ERVW-1: variants seen among roughly 807,000 people sequenced by gnomAD.
ERVW-1 encodes syncytin-1.
ERVW-1 carries 21 observed loss-of-function variants against 16.6 expected under a neutral mutation model. That is an observed-to-expected ratio of 1.26 (90% CI 0.90 to 1.82). ERVW-1 has a LOEUF of 1.82. ERVW-1 is among the 40% of genes most tolerant of loss of function. The pLI is 0.00. For missense variants in ERVW-1, 412 were observed against 300.2 expected (o/e 1.37, Z -2.75); for synonymous variants, 161 against 109.8 (o/e 1.47, Z -2.92).
intron 1 of ERVW-1, chr7:92,475,019 A>C (rs1233576974): frequency 2.6e-5 from 4 of 152,154 alleles, no homozygotes; most frequent in African/African-American, 9.7e-5. Flanking sequence ...ATAGGGAGGT[A>C]GACTCTGAAG....
chr7:92,475,288 T>C (rs1438024400), intron 1 of ERVW-1: 1 of 152,158 alleles, frequency 6.6e-6, no homozygotes, highest in African/African-American at 2.4e-5. Context: ...GTTTTTGTCT[T>C]GCGGGGAACG....
At position 92,470,310 on chromosome 7, in the gene ERVW-1, T is replaced by C. The variant is rs928597838; in HGVS notation, c.72A>G (p.Pro24=). 1.3e-6 allele frequency: 1 copy of C among 776,686 alleles called. No homozygotes were observed. Among genetic ancestry groups the C allele is most frequent in the African/African-American group, 1.7e-5 (1 of 59,062 alleles). 48.1% of individuals were successfully genotyped at this position (776,686 alleles called of 1,614,324 possible). A position where few individuals can be genotyped will look rare whatever the true frequency, so the allele number is the denominator to read the frequency against. Reference sequence around the variant, plus strand: ...GGGAGCTACTGGTCATACAGCGGCATGGAGGGGGTGCAGTGAGAGTGAAAG... The same window carrying C: ...GGGAGCTACTGGTCATACAGCGGCACGGAGGGGGTGCAGTGAGAGTGAAAG... ...LPSFTLTAPP[P]CRCMTSSSPY... is the part of the protein sequence containing the mutation. The change falls in exon 2 of 2, where the codon CCA becomes CCG. Residue 24 remains proline (P), a synonymous_variant. Coordinates refer to ENST00000603053, the MANE Select transcript of ERVW-1 (RefSeq NM_001130925.2).
At chr7:92,471,714 C>G (rs1309903552) in intron 1 of ERVW-1, 1 of 152,158 alleles carries the variant, frequency 6.6e-6, no homozygotes, top group Non-Finnish European at 1.5e-5. Flanking sequence ...ATGACCCCGG[C>G]AGTGTAAGAC....
In ERVW-1 at chr7:92,469,327, T is replaced by C. The variant is rs1790221594; in HGVS notation, c.1055A>G (p.Gln352Arg). ...CCGTTCCATGTCCCCATTTAGTTCT[T>C]GAGATAGTTTGTAGTAGAACTGAGT... ...TSTQFYYKLS[Q>R]ELNGDMERVA... is the part of the protein sequence containing the mutation. The change falls in exon 2 of 2, where the codon CAA becomes CGA. Residue 352 changes from glutamine to arginine, a missense_variant. By Grantham distance (43) the Gln-to-Arg change is conservative (BLOSUM62 1). Coordinates refer to ENST00000603053, the MANE Select transcript of ERVW-1 (RefSeq NM_001130925.2). 1 of 764,560 alleles carries C rather than the reference T, an allele frequency of 1.3e-6. No individual in the cohort carries two copies. Among genetic ancestry groups the C allele is most frequent in the Non-Finnish European group, 2.4e-6 (1 of 417,840 alleles). The allele number at this position is 764,560 out of a possible 1,614,324, so 47.4% of individuals were successfully genotyped here. A position where few individuals can be genotyped will look rare whatever the true frequency, so the allele number is the denominator to read the frequency against.
chr7:92,473,035 C>G (rs1483340036), intron 1 of ERVW-1: 9 of 152,150 alleles, frequency 5.9e-5, no homozygotes, highest in Admixed American at 5.9e-4. Context: ...TCCCTGAACC[C>G]TTGGGGTAAA....
Position 92,469,417 on chromosome 7 carries a change from G to A in ERVW-1, c.965C>T (p.Pro322Leu). The change falls in exon 2 of 2, where the codon CCT becomes CTT. Residue 322 changes from proline to leucine, a missense_variant. Transcript: ENST00000603053. Reference protein sequence around the residue: ...KPRNKRVPILPFVIGAGVLGA... With the variant: ...KPRNKRVPILLFVIGAGVLGA... Reference sequence around the variant, plus strand: ...TAGCACTCCTGCTCCTATAACAAAAGGAAGAATGGGTACTCTTTTGTTGCG... The same window carrying A: ...TAGCACTCCTGCTCCTATAACAAAAAGAAGAATGGGTACTCTTTTGTTGCG... The A allele has an allele frequency of 1.3e-6, 1 of 771,520 alleles. No individual in the cohort carries two copies. Among genetic ancestry groups the A allele is most frequent in the Non-Finnish European group, 2.4e-6 (1 of 416,148 alleles). 47.8% of individuals were successfully genotyped at this position (771,520 alleles called of 1,614,324 possible). A position where few individuals can be genotyped will look rare whatever the true frequency, so the allele number is the denominator to read the frequency against.
In ERVW-1 at chr7:92,468,784, T is replaced by A. The variant is rs776286661; in HGVS notation, c.1598A>T (p.Asn533Ile). The A allele has an allele frequency of 6.7e-6, 5 of 744,222 alleles. No individual in the cohort carries two copies. Among genetic ancestry groups the A allele is most frequent in the African/African-American group, 1.7e-5 (1 of 58,152 alleles). 46.1% of individuals were successfully genotyped at this position (744,222 alleles called of 1,614,324 possible). A position where few individuals can be genotyped will look rare whatever the true frequency, so the allele number is the denominator to read the frequency against. The change falls in exon 2 of 2, where the codon AAT (asparagine) becomes ATT (isoleucine). Residue 533 changes from asparagine (N) to isoleucine (I), a missense_variant. Asn to Ile is a moderately radical substitution (Grantham distance 149). Transcript: ENST00000603053. Reference sequence around the variant, plus strand: ...ACCGCTCTAACTGCTTCCTGCTGAATTGGGGCGTAGTAGAGGTTGTGCAGC... The same window carrying A: ...ACCGCTCTAACTGCTTCCTGCTGAAATGGGGCGTAGTAGAGGTTGTGCAGC... ...ISAAQPLLRP[N>I]SAGSS
In ERVW-1 at chr7:92,468,872, G is replaced by A. The variant is rs140207343; in HGVS notation, c.1510C>T (p.Arg504Trp). ...KTKIYRRPLD[R>W]PASPRSDVND... The stretch of plus-strand genomic sequence containing the variant: ...ACATCAGATCGTGGGCTAGCAGGCC[G>A]GTCCAGGGGTCTGCGGTAGATCTTA... Residue 504 changes from arginine (R) to tryptophan (W), a missense_variant, in exon 2 of 2, where the codon CGG becomes TGG. Arg to Trp is a moderately radical substitution (Grantham distance 101). Transcript: ENST00000603053. 2.4e-5 allele frequency: 18 copies of A among 764,350 alleles called. No homozygotes were observed. Among genetic ancestry groups the A allele is most frequent in the East Asian group, 4.8e-5 (2 of 41,240 alleles). The allele number at this position is 764,350 out of a possible 1,614,324, so 47.3% of individuals were successfully genotyped here.
Position 92,469,819 on chromosome 7 carries a change from A to G in ERVW-1, c.563T>C (p.Ile188Thr). 1.3e-6 allele frequency: 1 copy of G among 769,770 alleles called. No individual in the cohort carries two copies. The highest frequency in any genetic ancestry group is 2.4e-6 in the Non-Finnish European group (1 of 417,702). 47.7% of individuals were successfully genotyped at this position (769,770 alleles called of 1,614,324 possible). The change falls in exon 2 of 2, where the codon ATA (isoleucine) becomes ACA (threonine). Residue 188 changes from isoleucine (I) to threonine (T), a missense_variant. By Grantham distance (89) the Ile-to-Thr change is moderately conservative (BLOSUM62 -1). Transcript: ENST00000603053. ...VSAQNPTNCW[I>T]CLPLNFRPYV... Reference sequence around the variant, plus strand: ...TGGCCTGAAGTTCAGGGGGAGGCATATCCAACAGTTAGTAGGGTTTTGGGC... The same window carrying G: ...TGGCCTGAAGTTCAGGGGGAGGCATGTCCAACAGTTAGTAGGGTTTTGGGC...
In ERVW-1 at chr7:92,475,437, G is replaced by A. The variant is rs537936349; in HGVS notation, c.-228+1945C>T. On this transcript the variant is annotated intron_variant, in intron 1 of 1. Coordinates refer to ENST00000603053, the MANE Select transcript of ERVW-1 (RefSeq NM_001130925.2). The stretch of plus-strand genomic sequence containing the variant: ...CACCACCCATGGACCTCTGCTTATC[G>A]AATTAGTTATGCTCACTGATGTTGC... The A allele has an allele frequency of 7.9e-5, 12 of 152,270 alleles. No individual in the cohort carries two copies. The East Asian group carries it at 1.5e-3, about 20-fold the overall frequency. The allele number at this position is 152,270 out of a possible 1,614,324, so 9.4% of individuals were successfully genotyped here.
At chr7:92,475,549 C>T (rs1790503381) in intron 1 of ERVW-1, among the ~76,000 whole-genome samples, 1 of 151,914 alleles carries the variant, frequency 6.6e-6, no homozygotes, top group Non-Finnish European at 1.5e-5. Flanking sequence ...CCAGCGTGCC[C>T]AACATTGCCT....
At position 92,468,833 on chromosome 7, in the gene ERVW-1, C is replaced by T; in HGVS notation, c.1549G>A (p.Gly517Ser). 1.3e-6 allele frequency: 1 copy of T among 764,352 alleles called. No homozygotes were observed. The highest frequency in any genetic ancestry group is 2.4e-6 in the Non-Finnish European group (1 of 417,792). 47.3% of individuals were successfully genotyped at this position (764,352 alleles called of 1,614,324 possible). ...GCTGAGATTTCCTCAGGAGGGGTGC[C>T]TTTGATGTCATTAACATCAGATCGT... ...SPRSDVNDIK[G>S]TPPEEISAAQ... Residue 517 changes from glycine (G) to serine (S), a missense_variant, in exon 2 of 2, where the codon GGC (glycine) becomes AGC (serine). Coordinates refer to ENST00000603053, the MANE Select transcript of ERVW-1 (RefSeq NM_001130925.2).
Position 92,469,868 on chromosome 7 carries a change from GGGT to G in ERVW-1, c.511_513del (p.Thr171del), listed in dbSNP as rs1373391404. 1 of 777,324 alleles carries G rather than the reference GGGT, an allele frequency of 1.3e-6. No individual in the cohort carries two copies. Among genetic ancestry groups the G allele is most frequent in the East Asian group, 2.4e-5 (1 of 41,240 alleles). The allele number at this position is 777,324 out of a possible 1,614,324, so 48.2% of individuals were successfully genotyped here. A position where few individuals can be genotyped will look rare whatever the true frequency, so the allele number is the denominator to read the frequency against. ...GCCGAGACCTCATGGAGCCCAGTGA[GGGT>G]GGTATTAAATAGGCTTACCAGGCGA... On this transcript the variant is annotated inframe_deletion, in exon 2 of 2. Transcript: ENST00000603053.
At chr7:92,475,091 A>T (rs1266404052) in intron 1 of ERVW-1, 2 of 152,172 alleles carry the variant, frequency 1.3e-5, no homozygotes, top group Admixed American at 6.5e-5. Context: ...TAATGAAAAG[A>T]AAGTTTGTAC....
chr7:92,470,320 G>T lies in ERVW-1; in HGVS notation c.62C>A (p.Ala21Glu), dbSNP rs558475688. Residue 21 changes from alanine (A) to glutamate (E), a missense_variant, in exon 2 of 2, where the codon GCA becomes GAA. Physicochemically the swap from Ala to Glu is moderately radical, Grantham distance 107. Coordinates refer to ENST00000603053, the MANE Select transcript of ERVW-1 (RefSeq NM_001130925.2). The part of the protein sequence containing the change: ...TVLLPSFTLT[A>E]PPPCRCMTSS... ...GGTCATACAGCGGCATGGAGGGGGT[G>T]CAGTGAGAGTGAAAGAGGGTAAAAG... is the stretch of plus-strand genomic sequence containing the variant. The T allele has an allele frequency of 3.9e-6, 3 of 772,290 alleles. No homozygotes were observed. Among genetic ancestry groups the T allele is most frequent in the African/African-American group, 3.4e-5 (2 of 58,788 alleles). The allele number at this position is 772,290 out of a possible 1,614,324, so 47.8% of individuals were successfully genotyped here.
In ERVW-1 at chr7:92,470,193, A is replaced by G. The variant is rs1353581862; in HGVS notation, c.189T>C (p.Thr63=). 1.3e-6 allele frequency: 1 copy of G among 778,520 alleles called. No individual in the cohort carries two copies. Among genetic ancestry groups the G allele is most frequent in the Non-Finnish European group, 2.4e-6 (1 of 417,836 alleles). 48.2% of individuals were successfully genotyped at this position (778,520 alleles called of 1,614,324 possible). Residue 63 remains threonine, a synonymous_variant, in exon 2 of 2, where the codon ACT becomes ACC. Transcript: ENST00000603053. The part of the protein sequence containing the change: ...RSLSKGTPTF[T]AHTHMPRNCY... Reference sequence around the variant, plus strand: ...AGTTGCGGGGCATATGGGTGTGGGCAGTGAAGGTGGGGGTTCCCTTAGAAA... The same window carrying G: ...AGTTGCGGGGCATATGGGTGTGGGCGGTGAAGGTGGGGGTTCCCTTAGAAA...
chr7:92,476,536 C>T (rs1278393005), intron 1 of ERVW-1, among the ~76,000 whole-genome samples: 1 of 152,132 alleles, frequency 6.6e-6, no homozygotes, highest in Non-Finnish European at 1.5e-5. Context: ...TTTACCCTGG[C>T]TTTTAAAGGA....
rs767978977 is a variant in ERVW-1, at chr7:92,469,233, T to C, written c.1149A>G (p.Arg383=). ...NSLAAVVLQN[R]RALDLLTAER... is the part of the protein sequence containing the mutation. ...CAGCGGTTAGCAAGTCTAAAGCTCTTCGATTTTGAAGGACTACTGCTGCTA... is the reference window on the plus strand; with the variant it reads ...CAGCGGTTAGCAAGTCTAAAGCTCTCCGATTTTGAAGGACTACTGCTGCTA... The change falls in exon 2 of 2, where the codon CGA becomes CGG. Residue 383 remains arginine, a synonymous_variant. Transcript: ENST00000603053. 6 of 763,250 alleles carry C rather than the reference T, an allele frequency of 7.9e-6. No individual in the cohort carries two copies. The African/African-American group carries it at 1.0e-4, about 13-fold the overall frequency. The allele number at this position is 763,250 out of a possible 1,614,324, so 47.3% of individuals were successfully genotyped here. A position where few individuals can be genotyped will look rare whatever the true frequency, so the allele number is the denominator to read the frequency against.
rs1350724131 is a variant in ERVW-1 at position 92,468,617 on chromosome 7, C to T, written c.*148G>A. 5 of 561,276 alleles carry T rather than the reference C, an allele frequency of 8.9e-6. No homozygotes were observed. Among genetic ancestry groups the T allele is most frequent in the Non-Finnish European group, 1.3e-5 (4 of 317,546 alleles). 34.8% of individuals were successfully genotyped at this position (561,276 alleles called of 1,614,324 possible). ...GGTCAGGTGTGAGCTAAGTTGCAAG[C>T]CCCGTGTTTAAAGGTGGATGTGGTC... On this transcript the variant is annotated 3_prime_UTR_variant, in exon 2 of 2. Transcript: ENST00000603053.
Sources: gnomAD v4.1 joint callset for allele counts (sites outside exome capture counted in the v4.1 genomes callset) on GRCh38, gnomAD v4.1.1 for gene constraint, MANE v1.5 for transcripts, NCBI Gene and HGNC (gene_info 2026-07-23, HGNC 2026-07-21) for gene names.